Variants in ACTL8 observed in about 807,000 individuals in gnomAD.
The protein encoded by ACTL8 is actin-like protein 8.
Under a neutral mutation model 9.3 loss-of-function variants are expected in ACTL8, and 3 were observed. That is an observed-to-expected ratio of 0.32 (90% CI 0.15 to 0.83). The LOEUF (loss-of-function observed/expected upper bound fraction) is 0.83, where lower values mean the gene tolerates loss of function less well. Among genes scored for constraint, ACTL8 ranks in the 40% least tolerant of loss-of-function variants. The pLI is 0.57. For missense variants in ACTL8, 381 were observed against 492.2 expected (o/e 0.77, Z 2.14); for synonymous variants, 224 against 205.9 (o/e 1.09, Z -0.75).
At chr1:17,809,244 T>C (rs1262783712) in intron 1 of ACTL8, among the ~76,000 whole-genome samples, 1 of 152,058 alleles carries the variant, frequency 6.6e-6, no homozygotes, top group African/African-American at 2.4e-5. Context: ...ACACACAGCA[T>C]AATTATGTAT....
At chr1:17,807,823 A>G (rs1015734810) in intron 1 of ACTL8, among the ~76,000 whole-genome samples, 2 of 151,868 alleles carry the variant, frequency 1.3e-5, no homozygotes, top group Admixed American at 6.6e-5. Flanking sequence ...GGAGGAGAAC[A>G]TCACACACTG....
At chr1:17,766,053 T>C (rs1388242927) in intron 1 of ACTL8, among the ~76,000 whole-genome samples, 2 of 152,160 alleles carry the variant, frequency 1.3e-5, no homozygotes, top group African/African-American at 4.8e-5. Context: ...GTGACCAAAA[T>C]GTGAGAAGCA....
At chr1:17,824,242 C>T (rs35923369) in intron 2 of ACTL8, among the ~76,000 whole-genome samples, 14 of 152,264 alleles carry the variant, frequency 9.2e-5, no homozygotes, top group South Asian at 2.1e-4. Flanking sequence ...GAGCCAAATC[C>T]GGCCCACCAC....
At chr1:17,758,213 G>A (rs1015521765) in intron 1 of ACTL8, among the ~76,000 whole-genome samples, 1 of 152,184 alleles carries the variant, frequency 6.6e-6, no homozygotes, top group African/African-American at 2.4e-5. Flanking sequence ...AGCAGATACC[G>A]AGGGGCAGCA....
At chr1:17,810,879 A>G (rs927625646) in intron 1 of ACTL8, among the ~76,000 whole-genome samples, 5 of 152,240 alleles carry the variant, frequency 3.3e-5, no homozygotes, top group African/African-American at 9.6e-5. Context: ...TGGATGTACC[A>G]CAGTTTGTTC....
At chr1:17,789,194 A>G (rs189044640) in intron 1 of ACTL8, among the ~76,000 whole-genome samples, 10 of 152,308 alleles carry the variant, frequency 6.6e-5, no homozygotes, top group Admixed American at 5.2e-4. Context: ...GGCATGATGT[A>G]TGGCAGCCCT....
Position 17,823,505 on chromosome 1 carries a change from C to T in ACTL8, c.348+149C>T, listed in dbSNP as rs1285521610. ...TGCCTGTAATCCCAACACTTTGGGA[C>T]TCCCAGGCAGGCAGATTGCTTGAGC... On this transcript the variant is annotated intron_variant, in intron 2 of 2. Transcript: ENST00000375406. This position sits in a 1 kb window ranked among gnomAD's most constrained non-coding sequence, Gnocchi z 5.3. 1.4e-5 allele frequency: 11 copies of T among 766,594 alleles called. No individual in the cohort carries two copies. The highest frequency in any genetic ancestry group is 2.2e-5 in the Non-Finnish European group (11 of 489,554). The allele number at this position is 766,594 out of a possible 1,614,324, so 47.5% of individuals were successfully genotyped here. A position where few individuals can be genotyped will look rare whatever the true frequency, so the allele number is the denominator to read the frequency against.
At chr1:17,791,575 G>A (rs1023695004) in intron 1 of ACTL8, among the ~76,000 whole-genome samples, 11 of 152,198 alleles carry the variant, frequency 7.2e-5, no homozygotes, top group East Asian at 1.9e-4. Flanking sequence ...CGGGCACATC[G>A]GGGTGCAGAG....
chr1:17,819,130 G>T (rs1043262115), intron 1 of ACTL8, among the ~76,000 whole-genome samples: 1 of 152,150 alleles, frequency 6.6e-6, no homozygotes, highest in Non-Finnish European at 1.5e-5. Context: ...CTTGCCATGC[G>T]CACCTTGTTT....
At chr1:17,795,489 T>A (rs2066270443) in intron 1 of ACTL8, among the ~76,000 whole-genome samples, 1 of 152,274 alleles carries the variant, frequency 6.6e-6, no homozygotes, top group Admixed American at 6.5e-5. Context: ...TAAATTTGCT[T>A]CTATTTTTAG....
intron 1 of ACTL8, among the ~76,000 whole-genome samples, chr1:17,764,950 C>T (rs1230602036): frequency 6.6e-6 from 1 of 152,176 alleles, no homozygotes; most frequent in Non-Finnish European, 1.5e-5. Flanking sequence ...GGTAGGGGGG[C>T]TGTATAGACA....
At chr1:17,758,609 A>T (rs114960114) in intron 1 of ACTL8, among the ~76,000 whole-genome samples, 1 of 152,136 alleles carries the variant, frequency 6.6e-6, no homozygotes, top group Admixed American at 6.5e-5. Flanking sequence ...TTACCAAAAT[A>T]ATAGGGAAAT....
intron 1 of ACTL8, among the ~76,000 whole-genome samples, chr1:17,790,880 T>C (rs1006922896): frequency 1.3e-5 from 2 of 152,216 alleles, no homozygotes; most frequent in Non-Finnish European, 2.9e-5. Context: ...AGGAGGCTGG[T>C]GTGTCAGCAC....
At chr1:17,782,014 A>T (rs2066158532) in intron 1 of ACTL8, among the ~76,000 whole-genome samples, 1 of 152,138 alleles carries the variant, frequency 6.6e-6, no homozygotes, top group South Asian at 2.1e-4. Flanking sequence ...GAGACTGGCC[A>T]TACCTCCTAG....
chr1:17,777,823 C>T (rs907964585), intron 1 of ACTL8, among the ~76,000 whole-genome samples: 3 of 152,152 alleles, frequency 2.0e-5, no homozygotes, highest in African/African-American at 7.2e-5. Context: ...CTCAGCCTCC[C>T]GAGTAGCTGA....
intron 2 of ACTL8, among the ~76,000 whole-genome samples, chr1:17,824,602 A>C (rs1419534945): frequency 1.3e-5 from 2 of 152,204 alleles, no homozygotes; most frequent in Admixed American, 6.5e-5. Flanking sequence ...ATAAATTACA[A>C]ATAATGTCTT....
In ACTL8 at chr1:17,823,644, G is replaced by C. The variant is rs966446729; in HGVS notation, c.348+288G>C. Among the ~76,000 whole-genome samples, 1 of 152,068 alleles carries C rather than the reference G, an allele frequency of 6.6e-6. No homozygotes were observed. The highest frequency in any genetic ancestry group is 1.5e-5 in the Non-Finnish European group (1 of 68,008). On this transcript the variant is annotated intron_variant, in intron 2 of 2. Coordinates refer to ENST00000375406, the MANE Select transcript of ACTL8 (RefSeq NM_030812.3). This position sits in a 1 kb window ranked among gnomAD's most constrained non-coding sequence, Gnocchi z 5.3. ...CTGGGAGGCTGAGGTGGGAGGATCA[G>C]TTGAGCCCGGGAGGTCGAGAATAGA...
chr1:17,780,032 C>A (rs1421437469), intron 1 of ACTL8, among the ~76,000 whole-genome samples: 1 of 151,974 alleles, frequency 6.6e-6, no homozygotes, highest in Non-Finnish European at 1.5e-5. Flanking sequence ...CATAGGGAGA[C>A]CCTTTCTCTA....
At chr1:17,773,920 T>G (rs536636456) in intron 1 of ACTL8, among the ~76,000 whole-genome samples, 8 of 152,260 alleles carry the variant, frequency 5.3e-5, no homozygotes, top group African/African-American at 1.9e-4. Context: ...CCACAGAGGG[T>G]GCACTAGAGT....
Sources: gnomAD v4.1 joint callset for allele counts (sites outside exome capture counted in the v4.1 genomes callset) on GRCh38, gnomAD v4.1.1 for gene constraint, Gnocchi (gnomAD v3.1) non-coding constraint, MANE v1.5 for transcripts, NCBI Gene and HGNC (gene_info 2026-07-23, HGNC 2026-07-21) for gene names.